Variants in PCDHA5 observed in about 807,000 individuals in gnomAD.
PCDHA5 encodes protocadherin alpha 5, also known as protocadherin alpha-5.
PCDHA5 carries 43 observed loss-of-function variants against 61.6 expected under a neutral mutation model. The ratio of observed to expected loss-of-function variants is 0.70; its 90% confidence interval spans 0.55 to 0.90. The LOEUF is 0.90. PCDHA5 is among the 40% of genes least tolerant of loss of function. The pLI, the probability that PCDHA5 is intolerant of heterozygous loss-of-function variation, is 0.00. For synonymous variants in PCDHA5, 627 were observed against 543.9 expected (o/e 1.15, Z -2.13); for missense variants, 1,298 against 1,222.7 (o/e 1.06, Z -0.92).
chr5:140,941,241 T>TTCTTTCTTTC (rs2092943774), intron 1 of PCDHA5, among the ~76,000 whole-genome samples: 1 of 140,458 alleles, frequency 7.1e-6, no homozygotes, highest in African/African-American at 2.7e-5. Flanking sequence ...CTTTCTTTCT[T>TTCTTTCTTTC]TCTTTCTTTC....
At chr5:140,997,566 T>G (rs1366934494) in intron 3 of PCDHA5, among the ~76,000 whole-genome samples, 1 of 152,208 alleles carries the variant, frequency 6.6e-6, no homozygotes, top group Non-Finnish European at 1.5e-5. Context: ...AACTGTCATA[T>G]GTGTGGTCCG....
rs139390480 is a variant in PCDHA5, at chr5:140,856,945, A to T, written c.2352+32818A>T. ...AATTTTGGATAAACGAAAGGACGGGAGAAATAAAAGTAAATGATGCTATTG... is the reference window on the plus strand; with the variant it reads ...AATTTTGGATAAACGAAAGGACGGGTGAAATAAAAGTAAATGATGCTATTG... On this transcript the variant is annotated intron_variant, in intron 1 of 3. Transcript: ENST00000529859. The T allele has an allele frequency of 3.8e-6, 6 of 1,593,208 alleles. No individual in the cohort carries two copies. The highest frequency in any genetic ancestry group is 5.2e-6 in the Non-Finnish European group (6 of 1,163,192).
Position 140,968,974 on chromosome 5 carries a change from G to A in PCDHA5, c.2353-9975G>A, listed in dbSNP as rs17119326. 3.9e-3 allele frequency: 6,227 copies of A among 1,614,174 alleles called. 151 individuals carry two copies. The African/African-American group carries it at 0.06, about 16-fold the overall frequency. On this transcript the variant is annotated intron_variant, in intron 1 of 3. Coordinates refer to ENST00000529859, the MANE Select transcript of PCDHA5 (RefSeq NM_018908.3). Reference sequence around the variant, plus strand: ...TCATCAAGTGCTACCGCTACACTGCGTATGGCACTGCATGCTGTGGAGGCT... The same window carrying A: ...TCATCAAGTGCTACCGCTACACTGCATATGGCACTGCATGCTGTGGAGGCT...
At position 140,996,204 on chromosome 5, in the gene PCDHA5, A is replaced by G. The variant is rs1405552013; in HGVS notation, c.2501-13423A>G. ...TCCATTTTATACCCTCAATGCAAGG[A>G]TATCACTACTTGTCTAGAAATGGTT... On this transcript the variant is annotated intron_variant, in intron 3 of 3. Coordinates refer to ENST00000529859, the MANE Select transcript of PCDHA5 (RefSeq NM_018908.3). Among the ~76,000 whole-genome samples the G allele has an allele frequency of 7.2e-5, 11 of 152,240 alleles. No homozygotes were observed. The South Asian group carries it at 2.3e-3, about 32-fold the overall frequency.
intron 1 of PCDHA5, among the ~76,000 whole-genome samples, chr5:140,892,769 T>C (rs1182235195): frequency 6.6e-6 from 1 of 152,210 alleles, no homozygotes; most frequent in Non-Finnish European, 1.5e-5. Context: ...TCCACTCTTC[T>C]AGCTTCTTGA....
At chr5:140,925,526 CGAG>C (rs2082539432) in intron 1 of PCDHA5, among the ~76,000 whole-genome samples, 1 of 151,910 alleles carries the variant, frequency 6.6e-6, no homozygotes, top group South Asian at 2.1e-4. Flanking sequence ...AAATTAAAAG[CGAG>C]GAGAAATACC....
At chr5:140,985,608 G>A (rs76669319) in intron 3 of PCDHA5, among the ~76,000 whole-genome samples, 1,553 of 152,166 alleles carry the variant, frequency 0.01, 12 homozygotes, top group Middle Eastern at 0.054. Context: ...AGCCCTTTCC[G>A]TGAACCAGCT....
rs2150132919 is a variant in PCDHA5, at chr5:140,824,166, A to G, written c.2352+39A>G. 16 of 1,610,082 alleles carry G rather than the reference A, an allele frequency of 9.9e-6. No homozygotes were observed. The South Asian group carries it at 1.8e-4, about 18-fold the overall frequency. ...TATTAACATCCATCTTTCCCTCCCA[A>G]TTTTCAAATATTAAATGTCACATTC... is the stretch of plus-strand genomic sequence containing the variant. On this transcript the variant is annotated intron_variant, in intron 1 of 3. Transcript: ENST00000529859.
chr5:140,833,359 A>T (rs1015586759), intron 1 of PCDHA5, among the ~76,000 whole-genome samples: 2 of 152,216 alleles, frequency 1.3e-5, no homozygotes, highest in Non-Finnish European at 2.9e-5. Context: ...AAACGAACAC[A>T]GTAAGGTAGA....
At chr5:140,880,258 A>G (rs1278819523) in intron 1 of PCDHA5, among the ~76,000 whole-genome samples, 3 of 152,246 alleles carry the variant, frequency 2.0e-5, no homozygotes. Flanking sequence ...GTATGTATAC[A>G]TATTTTAGTT....
intron 1 of PCDHA5, among the ~76,000 whole-genome samples, chr5:140,893,688 C>G (rs903086896): frequency 6.6e-6 from 1 of 152,168 alleles, no homozygotes; most frequent in Admixed American, 6.5e-5. Context: ...TATATCATCT[C>G]ATTCTATCCT....
intron 1 of PCDHA5, among the ~76,000 whole-genome samples, chr5:140,923,970 C>T (rs2081601306): frequency 2.6e-5 from 4 of 152,220 alleles, no homozygotes; most frequent in Admixed American, 2.6e-4. Flanking sequence ...TATACCCACA[C>T]ATACTATCCC....
In PCDHA5 at chr5:140,850,071, G is replaced by T. The variant is rs2150465789; in HGVS notation, c.2352+25944G>T. The T allele has an allele frequency of 1.4e-5, 22 of 1,596,556 alleles. 5 individuals carry two copies. The highest frequency in any genetic ancestry group is 1.6e-5 in the Non-Finnish European group (19 of 1,167,840). ...GTACGCGCTGCAGCCGTTGGACCAC[G>T]AGGAGCTGGAGCTGCTACAGTTCCA... On this transcript the variant is annotated intron_variant, in intron 1 of 3. Coordinates refer to ENST00000529859, the MANE Select transcript of PCDHA5 (RefSeq NM_018908.3).
At chr5:140,902,615 G>A in intron 1 of PCDHA5, among the ~76,000 whole-genome samples, 1 of 152,010 alleles carries the variant, frequency 6.6e-6, no homozygotes, top group East Asian at 1.9e-4. Context: ...AGTTACATGG[G>A]TAAGTTATTT....
intron 1 of PCDHA5, chr5:140,860,013 G>T (rs1218796590): frequency 6.6e-6 from 1 of 151,942 alleles, no homozygotes; most frequent in African/African-American, 2.4e-5. Flanking sequence ...TTAAGGCCAG[G>T]CATGGTGGCT....
chr5:140,884,312 G>T, intron 1 of PCDHA5: 1 of 1,613,768 alleles, frequency 6.2e-7, no homozygotes, highest in Non-Finnish European at 8.5e-7. Flanking sequence ...TTCGTCGAGG[G>T]CGTCGGCAGG....
At chr5:140,966,998 C>A in intron 1 of PCDHA5, 1 of 1,604,774 alleles carries the variant, frequency 6.2e-7, no homozygotes, top group Non-Finnish European at 8.5e-7. Flanking sequence ...GGGTTGCTTG[C>A]GCATCAACCA....
chr5:140,859,125 T>C (rs2045735975), intron 1 of PCDHA5: 1 of 150,194 alleles, frequency 6.7e-6, no homozygotes, highest in East Asian at 1.9e-4. Flanking sequence ...TATGTTTCTT[T>C]TATTTACATA....
At chr5:140,877,136 T>C (rs782812769) in intron 1 of PCDHA5, 2 of 1,613,760 alleles carry the variant, frequency 1.2e-6, no homozygotes, top group Non-Finnish European at 1.7e-6. Context: ...CAGGTGTTCG[T>C]GCTGGACGAG....
Sources: allele counts gnomAD v4.1 joint callset (sites outside exome capture counted in the v4.1 genomes callset), GRCh38; gene constraint gnomAD v4.1.1; transcripts MANE v1.5; gene names NCBI Gene and HGNC (gene_info 2026-07-23, HGNC 2026-07-21).